The following LAMA1 variants were observed in gnomAD, a reference collection of about 807,000 sequenced individuals.
The protein encoded by LAMA1 is laminin subunit alpha 1.
A neutral mutation model predicts 348.7 loss-of-function variants in LAMA1; 219 were observed. That is an observed-to-expected ratio of 0.63 (90% confidence interval 0.56 to 0.70). LAMA1 has a LOEUF of 0.70. Among genes scored for constraint, LAMA1 ranks in the 30% least tolerant of loss-of-function variants. The pLI, the probability that LAMA1 is intolerant of heterozygous loss-of-function variation, is 0.00. For missense variants in LAMA1, 3,744 were observed against 3,888.0 expected (o/e 0.96, Z 0.99); for synonymous variants, 1,487 against 1,491.0 (o/e 1.00, Z 0.06).
Position 6,950,954 on chromosome 18 carries a change from C to T in LAMA1, c.8225G>A (p.Ser2742Asn). 1 of 1,613,862 alleles carries T rather than the reference C, an allele frequency of 6.2e-7. No individual in the cohort carries two copies. Among genetic ancestry groups the T allele is most frequent in the South Asian group, 1.1e-5 (1 of 91,006 alleles). ...AVRKKLSVELSIRTFASSGLI... is the reference protein window; with the variant it reads ...AVRKKLSVELNIRTFASSGLI... ...GCCGCTGGAGGCGAACGTGCGGATG[C>T]TTAGCTCAACCGAGAGCCTGGGGAA... The change falls in exon 58 of 63, where the codon AGC (serine) becomes AAC (asparagine). Residue 2742 changes from serine (S) to asparagine (N), a missense_variant. By Grantham distance (46) the Ser-to-Asn change is conservative. Coordinates refer to ENST00000389658, the MANE Select transcript of LAMA1 (RefSeq NM_005559.4).
Position 6,995,450 on chromosome 18 carries a change from G to C in LAMA1, c.4807-4C>G, listed in dbSNP as rs1398970879. The C allele has an allele frequency of 3.2e-5, 47 of 1,485,282 alleles. No homozygotes were observed. Among genetic ancestry groups the C allele is most frequent in the Non-Finnish European group, 4.3e-5 (46 of 1,062,926 alleles). The allele number at this position is 1,485,282 out of a possible 1,614,324, so 92.0% of individuals were successfully genotyped here. A position where few individuals can be genotyped will look rare whatever the true frequency, so the allele number is the denominator to read the frequency against. Reference sequence around the variant, plus strand: ...TATTTTCTTTTAATAAAGATTCCTAGGAAGAATGGAGGAAACAAATTACAA... The same window carrying C: ...TATTTTCTTTTAATAAAGATTCCTACGAAGAATGGAGGAAACAAATTACAA... On this transcript the variant is annotated splice_polypyrimidine_tract_variant and splice_region_variant and intron_variant, in intron 33 of 62. Coordinates refer to ENST00000389658, the MANE Select transcript of LAMA1 (RefSeq NM_005559.4).
At chr18:7,114,196 T>C (rs1465404971) in intron 1 of LAMA1, among the ~76,000 whole-genome samples, 1 of 152,222 alleles carries the variant, frequency 6.6e-6, no homozygotes, top group African/African-American at 2.4e-5. Context: ...TCCAGGATGA[T>C]GAGCAAGTAC....
chr18:6,957,996 G>C (rs2057588380), intron 55 of LAMA1, among the ~76,000 whole-genome samples: 2 of 152,076 alleles, frequency 1.3e-5, no homozygotes, highest in African/African-American at 4.8e-5. Context: ...TGGCCAGGCT[G>C]GTCTCAAACT....
At position 6,985,268 on chromosome 18, in the gene LAMA1, C is replaced by T; in HGVS notation, c.5629G>A (p.Glu1877Lys). 1 of 1,614,140 alleles carries T rather than the reference C, an allele frequency of 6.2e-7. No individual in the cohort carries two copies. The highest frequency in any genetic ancestry group is 1.3e-5 in the African/African-American group (1 of 75,042). Reference sequence around the variant, plus strand: ...AGAACATCTGCTAGTCTCTGGAACTCAGCGGCATGGTCCTCAGCTCTGTAG... The same window carrying T: ...AGAACATCTGCTAGTCTCTGGAACTTAGCGGCATGGTCCTCAGCTCTGTAG... Reference protein sequence around the residue: ...LVYRAEDHAAEFQRLADVLYS... With the variant: ...LVYRAEDHAAKFQRLADVLYS... Residue 1877 changes from glutamate (E) to lysine (K), a missense_variant, in exon 39 of 63, where the codon GAG (glutamate) becomes AAG (lysine). By Grantham distance (56) the Glu-to-Lys change is moderately conservative. Around this residue, in one of 3 missense-constraint regions of LAMA1, gnomAD observed 1,983 missense variants for 1,934.3 expected, o/e 1.03. Coordinates refer to ENST00000389658, the MANE Select transcript of LAMA1 (RefSeq NM_005559.4).
intron 3 of LAMA1, among the ~76,000 whole-genome samples, chr18:7,067,359 G>A (rs2058126598): frequency 6.6e-6 from 1 of 152,100 alleles, no homozygotes; most frequent in Non-Finnish European, 1.5e-5. Context: ...ACAAGCAATG[G>A]CATGTGAATC....
At chr18:6,979,759 G>T (rs11081291) in intron 42 of LAMA1, among the ~76,000 whole-genome samples, 5 of 146,004 alleles carry the variant, frequency 3.4e-5, no homozygotes, top group Non-Finnish European at 6.2e-5. Context: ...ATTAGCCGGG[G>T]ACGGTGGCGG....
intron 1 of LAMA1, among the ~76,000 whole-genome samples, chr18:7,097,662 T>A (rs896754961): frequency 1.3e-5 from 2 of 152,238 alleles, no homozygotes; most frequent in African/African-American, 4.8e-5. Context: ...GACAGTGTGA[T>A]ATTAGCATAA....
At position 7,044,823 on chromosome 18, in the gene LAMA1, C is replaced by T; in HGVS notation, c.875G>A (p.Cys292Tyr). 1 of 1,613,646 alleles carries T rather than the reference C, an allele frequency of 6.2e-7. No homozygotes were observed. The highest frequency in any genetic ancestry group is 2.2e-5 in the East Asian group (1 of 44,864). The change falls in exon 7 of 63, where the codon TGT becomes TAT. Residue 292 changes from cysteine (C) to tyrosine (Y), a missense_variant. Cys to Tyr is a radical substitution (Grantham distance 194). Around this residue, in one of 3 missense-constraint regions of LAMA1, gnomAD observed 1,529 missense variants for 1,689.4 expected, o/e 0.91. Coordinates refer to ENST00000389658, the MANE Select transcript of LAMA1 (RefSeq NM_005559.4). ...DETTKKLQCQCEHNTCGESCN... is the reference protein window; with the variant it reads ...DETTKKLQCQYEHNTCGESCN... The stretch of plus-strand genomic sequence containing the variant: ...GCTCTCCCCGCAAGTATTATGCTCA[C>T]ATTGACACTGCAGTTTCTACACAAT...
chr18:6,973,681 C>A (rs1315011448), intron 46 of LAMA1, among the ~76,000 whole-genome samples: 1 of 152,198 alleles, frequency 6.6e-6, no homozygotes, highest in African/African-American at 2.4e-5. Context: ...GTGCTGCCAG[C>A]CACATGCAAT....
chr18:6,958,417 T>C, intron 55 of LAMA1, 60 bp downstream of exon 55: 1 of 1,548,500 alleles, frequency 6.5e-7, no homozygotes, highest in Non-Finnish European at 8.9e-7. Flanking sequence ...CAGATTAGTG[T>C]TAGCACTCAC....
intron 3 of LAMA1, among the ~76,000 whole-genome samples, chr18:7,058,048 C>T (rs578175516): frequency 1.1e-4 from 16 of 152,068 alleles, no homozygotes; most frequent in Admixed American, 2.6e-4. Flanking sequence ...GTGATCCACC[C>T]GTCTCAGCCT....
chr18:7,075,776 A>T (rs760039343), intron 3 of LAMA1, among the ~76,000 whole-genome samples: 1 of 152,046 alleles, frequency 6.6e-6, no homozygotes, highest in African/African-American at 2.4e-5. Context: ...CGTCTCTACT[A>T]AAAATACAAA....
chr18:7,040,022 T>C, intron 10 of LAMA1, 54 bp downstream of exon 10: 1 of 1,604,724 alleles, frequency 6.2e-7, no homozygotes. Flanking sequence ...AAAACACTCC[T>C]TTTCCAGAGA....
chr18:7,111,748 TGTAA>T (rs2058336876), intron 1 of LAMA1, among the ~76,000 whole-genome samples: 1 of 152,256 alleles, frequency 6.6e-6, no homozygotes, highest in East Asian at 1.9e-4. Flanking sequence ...TTTGCAAACT[TGTAA>T]GTAACTACAT....
At chr18:7,024,744 T>C (rs528336240) in intron 17 of LAMA1, among the ~76,000 whole-genome samples, 1 of 152,320 alleles carries the variant, frequency 6.6e-6, no homozygotes, top group Admixed American at 6.5e-5. Context: ...TCTCGCTGTC[T>C]GCCTGGGTTA....
chr18:7,097,709 A>G (rs920892224), intron 1 of LAMA1, among the ~76,000 whole-genome samples: 7 of 152,250 alleles, frequency 4.6e-5, no homozygotes, highest in Non-Finnish European at 8.8e-5. Flanking sequence ...AATAGAGTCC[A>G]AAAGTATATA....
intron 53 of LAMA1, chr18:6,959,843 C>G (rs1468509637): frequency 2.0e-5 from 6 of 299,632 alleles, no homozygotes; most frequent in Non-Finnish European, 3.9e-5. Context: ...TATTACCATA[C>G]ATGTGAATGT....
At chr18:6,958,946 T>C (rs1325575753) in intron 54 of LAMA1, among the ~76,000 whole-genome samples, 1 of 152,110 alleles carries the variant, frequency 6.6e-6, no homozygotes, top group African/African-American at 2.4e-5. Flanking sequence ...TTACCTATGA[T>C]GAAAATGCCC....
At chr18:7,039,944 G>A (rs679668) in intron 10 of LAMA1, 132 bp downstream of exon 10, 147,977 of 1,010,960 alleles carry the variant, frequency 0.15, 11,431 homozygotes, top group African/African-American at 0.25. Flanking sequence ...GGCTTGGAGA[G>A]AAGGGGCAAG....
Sources: gnomAD v4.1 joint callset for allele counts (sites outside exome capture counted in the v4.1 genomes callset) on GRCh38, gnomAD v4.1.1 for gene constraint, gnomAD v4.1.1 regional missense constraint, MANE v1.5 for transcripts, NCBI Gene and HGNC (gene_info 2026-07-23, HGNC 2026-07-21) for gene names.